HLA-DQA1: variants seen among roughly 807,000 people sequenced by gnomAD.
HLA-DQA1 encodes the protein HLA class II histocompatibility antigen, DQ alpha 1 chain.
A neutral mutation model predicts 20.7 loss-of-function variants in HLA-DQA1; 10 were observed. That is an observed-to-expected ratio of 0.48 (90% CI 0.30 to 0.82). The LOEUF is 0.82. Ranked by LOEUF, HLA-DQA1 falls within the 40% of genes least tolerant of loss-of-function variation. HLA-DQA1 has a pLI of 0.07. For missense variants in HLA-DQA1, 127 were observed against 293.0 expected (o/e 0.43, Z 4.14); for synonymous variants, 39 against 109.2 (o/e 0.36, Z 4.01).
Position 32,640,615 on chromosome 6 carries a change from C to T in HLA-DQA1, c.83-695C>T, listed in dbSNP as rs559049065. 1.6e-3 allele frequency among the ~76,000 whole-genome samples: 164 copies of T among 104,186 alleles called. 3 individuals are homozygous for T. The highest frequency in any genetic ancestry group is 0.014 in the Admixed American group (124 of 8,728). The allele number at this position is 104,186 out of a possible 152,430, so 68.4% of individuals were successfully genotyped here. A position where few individuals can be genotyped will look rare whatever the true frequency, so the allele number is the denominator to read the frequency against. Reference sequence around the variant, plus strand: ...AATCCAAAAACTAGTAGAGCTTCCACTTTTCATTTCAGAAGAAATCAGTTG... The same window carrying T: ...AATCCAAAAACTAGTAGAGCTTCCATTTTTCATTTCAGAAGAAATCAGTTG... On this transcript the variant is annotated intron_variant, in intron 1 of 4. Coordinates refer to ENST00000343139, the MANE Select transcript of HLA-DQA1 (RefSeq NM_002122.5).
At chr6:32,652,764 G>A in the HLA-DQA1 span, among the ~76,000 whole-genome samples, 88,933 of 144,362 alleles carry the variant, frequency 0.62, 28,025 homozygotes, top group Middle Eastern at 0.73. Flanking sequence ...TAAGACGGAG[G>A]AAAGAGACAT....
In HLA-DQA1 at chr6:32,642,975, G is replaced by T. The variant is rs776007652; in HGVS notation, c.*44G>T. On this transcript the variant is annotated 3_prime_UTR_variant, in exon 5 of 5. Transcript: ENST00000343139. ...AGGTGCATCGCCATCTACAGGAGCAGAAGAATGGACTTGCTAAATGACCTA... is the reference window on the plus strand; with the variant it reads ...AGGTGCATCGCCATCTACAGGAGCATAAGAATGGACTTGCTAAATGACCTA... 1.5e-4 allele frequency: 73 copies of T among 482,562 alleles called. 22 individuals carry two copies. Among genetic ancestry groups the T allele is most frequent in the Middle Eastern group, 1.2e-3 (3 of 2,576 alleles). 29.9% of individuals were successfully genotyped at this position (482,562 alleles called of 1,614,324 possible). A position where few individuals can be genotyped will look rare whatever the true frequency, so the allele number is the denominator to read the frequency against.
rs1781471952 is a variant in HLA-DQA1, at chr6:32,642,140, G to A, written c.500G>A (p.Ser167Asn). The change falls in exon 3 of 5, where the codon AGT (serine) becomes AAT (asparagine). Residue 167 changes from serine (S) to asparagine (N), a missense_variant. Ser to Asn is a conservative substitution (Grantham distance 46). Transcript: ENST00000343139. ...GVSETSFLSK[S>N]DHSFFKISYL... ...TCTGAGACCAGCTTCCTCTCCAAGA[G>A]TGATCATTCCTTCTTCAAGATCAGT... The A allele has an allele frequency of 1.4e-6, 2 of 1,410,810 alleles. No individual in the cohort carries two copies. Among genetic ancestry groups the A allele is most frequent in the Admixed American group, 1.9e-5 (1 of 52,010 alleles). The allele number at this position is 1,410,810 out of a possible 1,614,324, so 87.4% of individuals were successfully genotyped here.
At position 32,642,190 on chromosome 6, in the gene HLA-DQA1, G is replaced by A. The variant is rs749728161; in HGVS notation, c.550G>A (p.Asp184Asn). 3.5e-6 allele frequency: 5 copies of A among 1,409,180 alleles called. No individual in the cohort carries two copies. The East Asian group carries it at 7.5e-5, about 21-fold the overall frequency. 87.3% of individuals were successfully genotyped at this position (1,409,180 alleles called of 1,614,324 possible). A position where few individuals can be genotyped will look rare whatever the true frequency, so the allele number is the denominator to read the frequency against. ...TTACCTCACCTTCCTCCCTTCTGCT[G>A]ATGAGATTTATGACTGCAAGGTGGA... The part of the protein sequence containing the change: ...ISYLTFLPSA[D>N]EIYDCKVEHW... The change falls in exon 3 of 5, where the codon GAT becomes AAT. Residue 184 changes from aspartate to asparagine, a missense_variant. Transcript: ENST00000343139.
chr6:32,651,390 C>G (rs528060070), downstream of HLA-DQA1, among the ~76,000 whole-genome samples: 9 of 81,856 alleles, frequency 1.1e-4, 3 homozygotes, highest in South Asian at 3.6e-3. Flanking sequence ...CAAGACCATC[C>G]TGGCTAACAC....
chr6:32,638,207 T>C (rs138541590), intron 1 of HLA-DQA1, among the ~76,000 whole-genome samples: 1 of 108,042 alleles, frequency 9.3e-6, no homozygotes, highest in Admixed American at 1.1e-4. Context: ...TGTCAATTTT[T>C]TTTACATATT....
chr6:32,653,841 T>G, the HLA-DQA1 span, among the ~76,000 whole-genome samples: 2 of 88,646 alleles, frequency 2.3e-5, no homozygotes, highest in Non-Finnish European at 2.5e-5. Context: ...TTTACATCAT[T>G]ATGTTAAAGA....
At chr6:32,646,504 C>T, downstream of HLA-DQA1, 1 of 93,440 alleles carries the variant, frequency 1.1e-5, no homozygotes, top group African/African-American at 3.7e-5. Context: ...CTTCAGTGGG[C>T]TAAGATTGTG....
At chr6:32,655,269 A>AAC in the HLA-DQA1 span, among the ~76,000 whole-genome samples, 43,209 of 124,110 alleles carry the variant, frequency 0.35, 7,461 homozygotes, top group Middle Eastern at 0.48. Context: ...GTTTTTTAAA[A>AAC]TCACCTCTTA....
At chr6:32,651,597 A>AAAAAAAAAAAAAAAAAAAAAAAC (rs1267355959), downstream of HLA-DQA1, among the ~76,000 whole-genome samples, 1 of 85,228 alleles carries the variant, frequency 1.2e-5, no homozygotes, top group African/African-American at 4.0e-5. Context: ...GCAAAAAAAA[A>AAAAAAAAAAAAAAAAAAAAAAAC]AAAAAAAAGA....
chr6:32,647,882 T>C (rs565675605), downstream of HLA-DQA1, among the ~76,000 whole-genome samples: 17 of 152,114 alleles, frequency 1.1e-4, no homozygotes, highest in African/African-American at 3.9e-4. Context: ...ATGAGTATCA[T>C]TAAAATAAGG....
chr6:32,642,451 G>A (rs75309743), intron 3 of HLA-DQA1, 159 bp from the exon 4 acceptor site: 97,333 of 540,996 alleles, frequency 0.18, 27,411 homozygotes, highest in East Asian at 0.3. Flanking sequence ...GGATGGGAGT[G>A]GGCCTGCCAC....
intron 1 of HLA-DQA1, among the ~76,000 whole-genome samples, chr6:32,640,583 T>A (rs1379783084): frequency 9.9e-6 from 1 of 100,814 alleles, no homozygotes; most frequent in Non-Finnish European, 2.2e-5. Flanking sequence ...GTGGGGGGAA[T>A]GACAGAAATC....
intron 1 of HLA-DQA1, among the ~76,000 whole-genome samples, chr6:32,638,629 G>A (rs9272515): frequency 0.31 from 25,378 of 82,650 alleles, 8,506 homozygotes; most frequent in East Asian, 0.58. Flanking sequence ...GTGAGCCATG[G>A]TGGCACCACT....
At chr6:32,646,583 A>T (rs115443066), downstream of HLA-DQA1, 1 of 51,524 alleles carries the variant, frequency 1.9e-5, no homozygotes, top group South Asian at 5.5e-4. Flanking sequence ...AATAAATAAA[A>T]CTTACAAAAT....
downstream of HLA-DQA1, among the ~76,000 whole-genome samples, chr6:32,647,961 A>T (rs28394498): frequency 0.15 from 22,445 of 152,082 alleles, 1,733 homozygotes; most frequent in South Asian, 0.18. Context: ...CATATATTAC[A>T]TAATTCCACA....
At chr6:32,651,588 C>CAAAAAAAAAAAAAAAAAAAAAAAA (rs70996710), downstream of HLA-DQA1, among the ~76,000 whole-genome samples, 2 of 15,272 alleles carry the variant, frequency 1.3e-4, 1 homozygote, top group Non-Finnish European at 2.5e-4. Flanking sequence ...CGTCTCAAAG[C>CAAAAAAAAAAAAAAAAAAAAAAAA]AAAAAAAAAA....
At position 32,641,594 on chromosome 6, in the gene HLA-DQA1, T is replaced by TC. The variant is rs201307552; in HGVS notation, c.331+36_331+37insC. ...ACCATTCTGCCTCTCTTTACTTAAG[T>TC]TATCCCTCCATACCAGGGTTCATTA... On this transcript the variant is annotated intron_variant, in intron 2 of 4. Transcript: ENST00000343139. The TC allele has an allele frequency of 5.2e-4, 481 of 924,754 alleles. 96 individuals carry two copies. The highest frequency in any genetic ancestry group is 2.5e-3 in the Admixed American group (64 of 25,600). 57.3% of individuals were successfully genotyped at this position (924,754 alleles called of 1,614,324 possible). A position where few individuals can be genotyped will look rare whatever the true frequency, so the allele number is the denominator to read the frequency against.
chr6:32,637,918 G>A (rs1204277030), intron 1 of HLA-DQA1, among the ~76,000 whole-genome samples: 2 of 109,548 alleles, frequency 1.8e-5, no homozygotes, highest in Non-Finnish European at 4.0e-5. Flanking sequence ...GAAGCTTTTC[G>A]GATGTCTCCG....
Sources: gnomAD v4.1 joint callset for allele counts (sites outside exome capture counted in the v4.1 genomes callset) on GRCh38, gnomAD v4.1.1 for gene constraint, MANE v1.5 for transcripts, NCBI Gene and HGNC (gene_info 2026-07-23, HGNC 2026-07-21) for gene names.